Variants in TXK observed in about 807,000 individuals in gnomAD.
TXK encodes the protein TXK tyrosine kinase, also known as tyrosine-protein kinase TXK.
TXK carries 60 observed loss-of-function variants against 81.0 expected under a neutral mutation model. That is an observed-to-expected ratio of 0.74 (90% CI 0.60 to 0.92). TXK has a LOEUF of 0.92. Ranked by LOEUF, TXK falls within the 40% of genes least tolerant of loss-of-function variation. TXK has a pLI of 0.00. For missense variants in TXK, 581 were observed against 638.3 expected (o/e 0.91, Z 0.97); for synonymous variants, 203 against 210.7 (o/e 0.96, Z 0.32).
In TXK at chr4:48,112,567, A is replaced by T; in HGVS notation, c.175-55T>A. 3 of 1,521,338 alleles carry T rather than the reference A, an allele frequency of 2.0e-6. No individual in the cohort carries two copies. The South Asian group carries it at 3.9e-5, about 20-fold the overall frequency. The allele number at this position is 1,521,338 out of a possible 1,614,324, so 94.2% of individuals were successfully genotyped here. ...CTATCATTTTAATAATTTGTACTAA[A>T]AAATATAGGGACAAAGCATATTTGC... On this transcript the variant is annotated intron_variant, in intron 3 of 14. Coordinates refer to ENST00000264316, the MANE Select transcript of TXK (RefSeq NM_003328.3).
chr4:48,118,436 T>C (rs963956908), intron 1 of TXK, among the ~76,000 whole-genome samples: 2 of 152,228 alleles, frequency 1.3e-5, no homozygotes, highest in African/African-American at 4.8e-5. Context: ...TTGAAGCTTC[T>C]GGATCTGCTA....
chr4:48,067,595 A>C lies in TXK; in HGVS notation c.*42T>G, dbSNP rs1312863310. ...GGTGAAGATATTCACAATAAATGAC[A>C]GTTTTGCAAGATGACTCTTTGGGTT... On this transcript the variant is annotated 3_prime_UTR_variant, in exon 15 of 15. Coordinates refer to ENST00000264316, the MANE Select transcript of TXK (RefSeq NM_003328.3). 2.5e-6 allele frequency: 4 copies of C among 1,591,298 alleles called. No individual in the cohort carries two copies. The highest frequency in any genetic ancestry group is 3.5e-6 in the Non-Finnish European group (4 of 1,159,082).
chr4:48,088,814 C>T (rs1717638084), intron 9 of TXK, among the ~76,000 whole-genome samples: 1 of 152,170 alleles, frequency 6.6e-6, no homozygotes, highest in Non-Finnish European at 1.5e-5. Flanking sequence ...TTGCTTCCAT[C>T]CCACTTAACT....
At chr4:48,131,194 G>T (rs1435684085) in intron 1 of TXK, among the ~76,000 whole-genome samples, 3 of 152,092 alleles carry the variant, frequency 2.0e-5, no homozygotes, top group Non-Finnish European at 4.4e-5. Flanking sequence ...CCATCAGTAT[G>T]ATCAATATCC....
intron 6 of TXK, among the ~76,000 whole-genome samples, chr4:48,098,193 T>G (rs1718060052): frequency 6.6e-6 from 1 of 152,140 alleles, no homozygotes; most frequent in African/African-American, 2.4e-5. Flanking sequence ...AAAAATGAGC[T>G]TAATATCAAT....
chr4:48,075,706 C>A (rs1439214354), intron 12 of TXK, among the ~76,000 whole-genome samples: 3 of 151,946 alleles, frequency 2.0e-5, no homozygotes, highest in Non-Finnish European at 2.9e-5. Context: ...TACGTGTTAG[C>A]AGCTACCTGT....
chr4:48,128,489 T>G (rs547421587), intron 1 of TXK, among the ~76,000 whole-genome samples: 21 of 150,506 alleles, frequency 1.4e-4, no homozygotes, highest in Admixed American at 3.3e-4. Flanking sequence ...ATCCTTTTTG[T>G]TTTTTTTTCC....
intron 5 of TXK, among the ~76,000 whole-genome samples, chr4:48,107,945 C>G (rs6823615): frequency 0.65 from 96,606 of 148,910 alleles, 32,751 homozygotes; most frequent in East Asian, 0.81. Context: ...GTGGCGGGCG[C>G]CTGTAGTCCC....
chr4:48,067,757 G>C, intron 14 of TXK, 52 bp from the exon 15 acceptor site: 2 of 1,563,378 alleles, frequency 1.3e-6, no homozygotes, highest in Non-Finnish European at 1.8e-6. Flanking sequence ...CTTATGCCAA[G>C]GGTTCCATTT....
chr4:48,109,971 C>T (rs1485634717), intron 5 of TXK, among the ~76,000 whole-genome samples: 1 of 152,132 alleles, frequency 6.6e-6, no homozygotes, highest in Non-Finnish European at 1.5e-5. Flanking sequence ...AGTCTCAGGC[C>T]GTTCTCTACC....
At chr4:48,077,577 C>T (rs540845913) in intron 11 of TXK, among the ~76,000 whole-genome samples, 1 of 151,776 alleles carries the variant, frequency 6.6e-6, no homozygotes, top group African/African-American at 2.4e-5. Flanking sequence ...AATAAAATGA[C>T]CGGAACTTTC....
chr4:48,124,100 T>A (rs1719024856), intron 1 of TXK, among the ~76,000 whole-genome samples: 1 of 152,150 alleles, frequency 6.6e-6, no homozygotes, highest in African/African-American at 2.4e-5. Context: ...AGATCGTCAT[T>A]TAAGTTTCTC....
chr4:48,082,089 C>A (rs1189812107), intron 10 of TXK, among the ~76,000 whole-genome samples: 1 of 152,022 alleles, frequency 6.6e-6, no homozygotes, highest in Admixed American at 6.6e-5. Flanking sequence ...GTTTTTGTGC[C>A]CAGATAGTTC....
At chr4:48,108,440 A>AGG (rs1398132270) in intron 5 of TXK, among the ~76,000 whole-genome samples, 1 of 152,246 alleles carries the variant, frequency 6.6e-6, no homozygotes, top group African/African-American at 2.4e-5. Flanking sequence ...TAGAGACATT[A>AGG]GGTAACTCTG....
intron 5 of TXK, among the ~76,000 whole-genome samples, chr4:48,107,291 C>T (rs1718486741): frequency 6.6e-6 from 1 of 151,658 alleles, no homozygotes; most frequent in South Asian, 2.1e-4. Flanking sequence ...TTCGGATATT[C>T]ATTTAAAGTA....
chr4:48,078,204 T>C (rs13138066), intron 11 of TXK, among the ~76,000 whole-genome samples: 47,483 of 152,104 alleles, frequency 0.31, 8,844 homozygotes, highest in Non-Finnish European at 0.41. Context: ...ACTCTAAGTC[T>C]CATAAGATAG....
chr4:48,078,777 G>C (rs534707435), intron 11 of TXK, among the ~76,000 whole-genome samples: 1 of 152,358 alleles, frequency 6.6e-6, no homozygotes, highest in East Asian at 1.9e-4. Context: ...ATCAGGAGCA[G>C]TTATGCCCCT....
At position 48,089,959 on chromosome 4, in the gene TXK, G is replaced by A. The variant is rs913443564; in HGVS notation, c.710-135C>T. The stretch of plus-strand genomic sequence containing the variant: ...CATTCTACCAGTTAGTCAGCAGTTT[G>A]CTTATTTTCCCACATTTTCCAAAAA... On this transcript the variant is annotated intron_variant, in intron 8 of 14. Coordinates refer to ENST00000264316, the MANE Select transcript of TXK (RefSeq NM_003328.3). 59 of 566,218 alleles carry A rather than the reference G, an allele frequency of 1.0e-4. No individual in the cohort carries two copies. In the East Asian group the frequency reaches 1.8e-3, roughly 18 times the overall value. The allele number at this position is 566,218 out of a possible 1,614,324, so 35.1% of individuals were successfully genotyped here. A position where few individuals can be genotyped will look rare whatever the true frequency, so the allele number is the denominator to read the frequency against.
chr4:48,119,133 C>T (rs1393954727), intron 1 of TXK, among the ~76,000 whole-genome samples: 2 of 152,088 alleles, frequency 1.3e-5, no homozygotes, highest in Admixed American at 6.6e-5. Context: ...AGGTATAATC[C>T]AACCAGAACC....
Sources: allele counts gnomAD v4.1 joint callset (sites outside exome capture counted in the v4.1 genomes callset), GRCh38; gene constraint gnomAD v4.1.1; transcripts MANE v1.5; gene names NCBI Gene and HGNC (gene_info 2026-07-23, HGNC 2026-07-21).